OSMR: variants seen among roughly 807,000 people sequenced by gnomAD.
OSMR encodes oncostatin-M-specific receptor subunit beta.
OSMR carries 81 observed loss-of-function variants against 99.9 expected under a neutral mutation model. The observed-to-expected ratio is 0.81, with a 90% CI of 0.68 to 0.97. The LOEUF (loss-of-function observed/expected upper bound fraction) is 0.97. OSMR is among the 50% of genes least tolerant of loss of function. The probability of loss-of-function intolerance (pLI) is 0.00; values close to 1 mark genes in which losing one functional copy is unlikely to be tolerated. For missense variants in OSMR, 1,099 were observed against 1,153.4 expected, an observed-to-expected ratio of 0.95 and a Z score of 0.68; for synonymous variants, 406 against 410.4, an observed-to-expected ratio of 0.99 and a Z score of 0.13.
chr5:38,902,919 C>A (rs1181431658), intron 7 of OSMR, among the ~76,000 whole-genome samples: 1 of 152,144 alleles, frequency 6.6e-6, no homozygotes, highest in Non-Finnish European at 1.5e-5. Context: ...TCCTCCGCCA[C>A]AATCCATGCA....
intron 2 of OSMR, among the ~76,000 whole-genome samples, chr5:38,871,248 C>G (rs1742366848): frequency 6.6e-6 from 1 of 152,216 alleles, no homozygotes; most frequent in Non-Finnish European, 1.5e-5. Flanking sequence ...TATGTGCCTT[C>G]TACATACAAG....
chr5:38,923,994 C>T (rs1746354881), intron 13 of OSMR, among the ~76,000 whole-genome samples: 2 of 152,198 alleles, frequency 1.3e-5, no homozygotes, highest in Admixed American at 6.5e-5. Flanking sequence ...TCAAATCCCC[C>T]CACTTGCCTC....
intron 1 of OSMR, among the ~76,000 whole-genome samples, chr5:38,865,214 C>T (rs999557329): frequency 2.6e-5 from 4 of 151,964 alleles, no homozygotes; most frequent in Non-Finnish European, 5.9e-5. Flanking sequence ...ACTTTGAATT[C>T]TTTTTCAGAA....
chr5:38,944,539 A>G, intron 2 of OSMR: 15 of 1,608,476 alleles, frequency 9.3e-6, no homozygotes, highest in Non-Finnish European at 1.3e-5. Context: ...TATACGGCAC[A>G]TTGGTGTATC....
chr5:38,914,109 G>A (rs1388909436), intron 9 of OSMR, among the ~76,000 whole-genome samples: 2 of 152,196 alleles, frequency 1.3e-5, no homozygotes, highest in African/African-American at 4.8e-5. Flanking sequence ...GGTTGTAACA[G>A]TTTTCTAGGG....
rs139829527 is a variant in OSMR, at chr5:38,875,065, G to A, written c.74-1136G>A. 3.9e-3 allele frequency among the ~76,000 whole-genome samples: 594 copies of A among 152,234 alleles called. 3 individuals are homozygous for A. Among genetic ancestry groups the A allele is most frequent in the Middle Eastern group, 0.02 (6 of 294 alleles). On this transcript the variant is annotated intron_variant, in intron 2 of 17. Transcript: ENST00000274276. Reference sequence around the variant, plus strand: ...TAATCTCTTACCATTTAAACGTAACGTTTGAGGGGTTCAAATGACAAGGGG... The same window carrying A: ...TAATCTCTTACCATTTAAACGTAACATTTGAGGGGTTCAAATGACAAGGGG...
intron 1 of OSMR, among the ~76,000 whole-genome samples, chr5:38,861,578 C>T (rs1393361887): frequency 6.6e-6 from 1 of 152,390 alleles, no homozygotes; most frequent in African/African-American, 2.4e-5. Flanking sequence ...TTTCCCCCCT[C>T]TCTATTCCAC....
intron 15 of OSMR, among the ~76,000 whole-genome samples, chr5:38,929,359 A>T (rs1746616447): frequency 6.6e-6 from 1 of 152,212 alleles, no homozygotes; most frequent in African/African-American, 2.4e-5. Context: ...GAGGGTAAAC[A>T]GTTTGTTTAA....
intron 9 of OSMR, among the ~76,000 whole-genome samples, chr5:38,912,708 G>T (rs1261320508): frequency 1.3e-5 from 2 of 152,070 alleles, no homozygotes; most frequent in Non-Finnish European, 2.9e-5. Context: ...AAACATCATG[G>T]TACCAGTATA....
intron 9 of OSMR, among the ~76,000 whole-genome samples, chr5:38,909,753 A>G (rs1579766177): frequency 6.6e-6 from 1 of 152,220 alleles, no homozygotes; most frequent in Admixed American, 6.5e-5. Flanking sequence ...AAGGAAGTCC[A>G]TTACCAACCA....
chr5:38,878,759 G>C (rs1743028228), intron 3 of OSMR, among the ~76,000 whole-genome samples: 1 of 151,730 alleles, frequency 6.6e-6, no homozygotes. Context: ...CATATTTAAA[G>C]AAAAAAAATC....
At chr5:38,939,475 T>G (rs532123207), downstream of OSMR, 5 of 232,112 alleles carry the variant, frequency 2.2e-5, no homozygotes, top group South Asian at 7.3e-4. Flanking sequence ...CCAATCTACC[T>G]AAGAATAAAC....
At chr5:38,864,408 G>A (rs1007977082) in intron 1 of OSMR, among the ~76,000 whole-genome samples, 4 of 152,128 alleles carry the variant, frequency 2.6e-5, no homozygotes, top group South Asian at 2.1e-4. Context: ...CCAGATATAC[G>A]ATTCCCTTAA....
intron 11 of OSMR, among the ~76,000 whole-genome samples, chr5:38,920,569 T>TA (rs1354803674): frequency 1.3e-5 from 2 of 152,192 alleles, no homozygotes; most frequent in African/African-American, 4.8e-5. Context: ...CATGGGCTTT[T>TA]AGCTTATACC....
Position 38,871,743 on chromosome 5 carries a change from G to GTA in OSMR, c.73+2636_73+2637dup, listed in dbSNP as rs755223975. Among the ~76,000 whole-genome samples the GTA allele has an allele frequency of 5.9e-5, 9 of 152,006 alleles. No homozygotes were observed. The South Asian group carries it at 1.0e-3, about 18-fold the overall frequency. The stretch of plus-strand genomic sequence containing the variant: ...GTTTTTAAATAAAAGTTAAATTATA[G>GTA]TATATATATATGCTCAGGATTTTTT... On this transcript the variant is annotated intron_variant, in intron 2 of 17. Coordinates refer to ENST00000274276, the MANE Select transcript of OSMR (RefSeq NM_003999.3).
In OSMR at chr5:38,915,112, A is replaced by G. The variant is rs562109572; in HGVS notation, c.1286-2434A>G. Among the ~76,000 whole-genome samples, 6 of 152,350 alleles carry G rather than the reference A, an allele frequency of 3.9e-5. 1 individual carries two copies. In the South Asian group the frequency reaches 1.0e-3, roughly 26 times the overall value. On this transcript the variant is annotated intron_variant, in intron 9 of 17. Coordinates refer to ENST00000274276, the MANE Select transcript of OSMR (RefSeq NM_003999.3). ...CTACAGAATGATGAAGTATTTGACT[A>G]TGGTTTCACATGAATGAGTTATATG...
chr5:38,937,114 A>G (rs745986670), downstream of OSMR, among the ~76,000 whole-genome samples: 115 of 152,332 alleles, frequency 7.5e-4, no homozygotes, highest in Non-Finnish European at 1.1e-3. This position sits in a 1 kb window ranked among gnomAD's most constrained non-coding sequence, Gnocchi z 4.0. Flanking sequence ...GGCTCACTGC[A>G]AGCTCCGCCT....
intron 13 of OSMR, among the ~76,000 whole-genome samples, chr5:38,923,514 T>A (rs2112660537): frequency 6.6e-6 from 1 of 152,358 alleles, no homozygotes; most frequent in South Asian, 2.1e-4. Flanking sequence ...TAGCTGAATC[T>A]TTGTCCAAAT....
intron 1 of OSMR, among the ~76,000 whole-genome samples, chr5:38,855,671 C>G (rs937985319): frequency 2.0e-5 from 3 of 152,064 alleles, no homozygotes; most frequent in African/African-American, 7.3e-5. Context: ...ATCATTCTTC[C>G]CTGGACCATT....
Sources: allele counts gnomAD v4.1 joint callset (sites outside exome capture counted in the v4.1 genomes callset), GRCh38; gene constraint gnomAD v4.1.1; non-coding constraint Gnocchi (gnomAD v3.1); transcripts MANE v1.5; gene names NCBI Gene and HGNC (gene_info 2026-07-23, HGNC 2026-07-21).